RP1: variants seen among roughly 807,000 people sequenced by gnomAD.
RP1 encodes the protein oxygen-regulated protein 1.
In RP1, 16 loss-of-function variants were observed where a neutral mutation model predicts 14.8. The observed-to-expected ratio is 1.08, with a 90% CI of 0.73 to 1.65. RP1 has a LOEUF of 1.65. RP1 is among the 40% of genes most tolerant of loss of function. RP1 has a pLI of 0.00. For missense variants in RP1, 2,631 were observed against 2,535.0 expected (o/e 1.04, Z -0.81); for synonymous variants, 876 against 883.6 (o/e 0.99, Z 0.15).
chr8:54,607,847 C>G (rs60749292), intron 1 of RP1, among the ~76,000 whole-genome samples: 41 of 152,276 alleles, frequency 2.7e-4, no homozygotes, highest in African/African-American at 9.9e-4. Context: ...CTGAGCCATG[C>G]GTGGGATATA....
chr8:54,681,404 G>A (rs189365614), intron 12 of RP1, among the ~76,000 whole-genome samples: 186 of 151,754 alleles, frequency 1.2e-3, no homozygotes, highest in African/African-American at 4.5e-3. Context: ...ACCAGCACAC[G>A]TAGTCAGGTA....
At chr8:54,691,526 C>T (rs146674612) in intron 12 of RP1, among the ~76,000 whole-genome samples, 198 of 152,046 alleles carry the variant, frequency 1.3e-3, no homozygotes, top group African/African-American at 4.6e-3. Flanking sequence ...AGTATATGAA[C>T]CTGATGCTGA....
At chr8:54,607,884 C>A (rs1805495863) in intron 1 of RP1, among the ~76,000 whole-genome samples, 1 of 152,156 alleles carries the variant, frequency 6.6e-6, no homozygotes, top group African/African-American at 2.4e-5. Context: ...TTTGCTAAGA[C>A]CATTGGAAAA....
Position 54,627,528 on chromosome 8 carries a change from A to AAC in RP1, c.3648_3649dup (p.Ile1217ThrfsTer39), listed in dbSNP as rs1251892999. Reference sequence around the variant, plus strand: ...TCTTTCTGCAAATTGTTCCACGGTCAACATTCAGAGTGTTCCTAAGTGCAG... The same window carrying AAC: ...TCTTTCTGCAAATTGTTCCACGGTCAACACATTCAGAGTGTTCCTAAGTGCAG... On this transcript the variant is annotated frameshift_variant, in exon 4 of 4. Coordinates refer to ENST00000220676, the MANE Select transcript of RP1 (RefSeq NM_006269.2). LOFTEE classifies it low-confidence loss of function (END_TRUNC). 6.2e-7 allele frequency: 1 copy of AAC among 1,614,074 alleles called. No individual in the cohort carries two copies. Among genetic ancestry groups the AAC allele is most frequent in the Non-Finnish European group, 8.5e-7 (1 of 1,179,996 alleles).
Position 54,621,563 on chromosome 8 carries a change from C to G in RP1, c.597C>G (p.Tyr199Ter), listed in dbSNP as rs748104371. The change falls in exon 2 of 4, where the codon TAC becomes TAG. Residue 199 changes from tyrosine to a stop codon, truncating the protein, a stop_gained. Coordinates refer to ENST00000220676, the MANE Select transcript of RP1 (RefSeq NM_006269.2). LOFTEE classifies it high-confidence loss of function. ...TGCAGCGCCCTGTGGTCAAGCTGTA[C>G]GCTACGGACGGAAGGAGGGTGAGCG... ...EVMQRPVVKL[Y>*]ATDGRRVPSL... The G allele has an allele frequency of 6.2e-7, 1 of 1,614,134 alleles. No individual in the cohort carries two copies. Among genetic ancestry groups the G allele is most frequent in the Admixed American group, 1.7e-5 (1 of 60,030 alleles).
At chr8:54,623,478 T>C (rs557415444) in intron 3 of RP1, among the ~76,000 whole-genome samples, 3 of 152,226 alleles carry the variant, frequency 2.0e-5, no homozygotes, top group Admixed American at 1.3e-4. Flanking sequence ...GGATTTTTTT[T>C]TTTTCTTTTT....
chr8:54,848,318 C>T (rs1018420728), intron 25 of RP1, among the ~76,000 whole-genome samples: 1 of 152,226 alleles, frequency 6.6e-6, no homozygotes, highest in African/African-American at 2.4e-5. Context: ...GGAGTGCCTC[C>T]TCCTATCCTG....
At chr8:54,836,022 G>T (rs1811648438) in intron 24 of RP1, among the ~76,000 whole-genome samples, 1 of 152,194 alleles carries the variant, frequency 6.6e-6, no homozygotes, top group African/African-American at 2.4e-5. Flanking sequence ...GTGATGAACT[G>T]TGTCTCTGTG....
At chr8:54,582,350 C>T (rs1191044398) in intron 1 of RP1, among the ~76,000 whole-genome samples, 1 of 152,124 alleles carries the variant, frequency 6.6e-6, no homozygotes, top group East Asian at 1.9e-4. Context: ...CTGTTCTGTT[C>T]CATTGGTCTA....
intron 14 of RP1, among the ~76,000 whole-genome samples, chr8:54,704,619 C>A (rs1396515412): frequency 6.6e-6 from 1 of 152,070 alleles, no homozygotes; most frequent in African/African-American, 2.4e-5. Flanking sequence ...TTCTCACAAA[C>A]CTTCAATTTA....
At chr8:54,684,722 G>A (rs1201235152) in intron 12 of RP1, among the ~76,000 whole-genome samples, 2 of 151,816 alleles carry the variant, frequency 1.3e-5, no homozygotes, top group Non-Finnish European at 2.9e-5. Flanking sequence ...TCTAACTAGT[G>A]GCCTATTTTA....
At chr8:54,657,332 G>C (rs778710611) in intron 6 of RP1, among the ~76,000 whole-genome samples, 1 of 152,126 alleles carries the variant, frequency 6.6e-6, no homozygotes, top group Non-Finnish European at 1.5e-5. Flanking sequence ...CTCAAAGAAG[G>C]CACACTCTAC....
intron 12 of RP1, among the ~76,000 whole-genome samples, chr8:54,680,669 A>G (rs1807405095): frequency 6.6e-6 from 1 of 152,114 alleles, no homozygotes; most frequent in Non-Finnish European, 1.5e-5. Flanking sequence ...TATGAAAATA[A>G]ATGTCTGGGC....
intron 22 of RP1, among the ~76,000 whole-genome samples, chr8:54,761,208 A>G (rs1474251687): frequency 7.1e-6 from 1 of 141,510 alleles, no homozygotes; most frequent in Non-Finnish European, 1.5e-5. Context: ...TCACATCGTC[A>G]CCCATCATTT....
chr8:54,665,735 C>G (rs1807001654), intron 7 of RP1, among the ~76,000 whole-genome samples: 1 of 152,152 alleles, frequency 6.6e-6, no homozygotes, highest in African/African-American at 2.4e-5. Context: ...CTTGTTCTAT[C>G]TCTGGAATGA....
intron 1 of RP1, among the ~76,000 whole-genome samples, chr8:54,571,944 CTTAAG>C (rs1450482769): frequency 2.0e-5 from 3 of 152,114 alleles, no homozygotes; most frequent in Non-Finnish European, 1.5e-5. Context: ...ACTTGATCAT[CTTAAG>C]TTAAGTCATC....
chr8:54,674,030 G>A, intron 8 of RP1: 3 of 859,732 alleles, frequency 3.5e-6, no homozygotes, highest in Admixed American at 4.8e-5. Context: ...GGTAGAAAAT[G>A]GATCTCTATG....
chr8:54,800,665 T>C (rs139089342), intron 24 of RP1, among the ~76,000 whole-genome samples: 266 of 152,340 alleles, frequency 1.7e-3, no homozygotes, highest in East Asian at 5.6e-3. Flanking sequence ...TTCATCCTTG[T>C]AACTGTGTTT....
intron 24 of RP1, among the ~76,000 whole-genome samples, chr8:54,812,798 T>TATC (rs1811039618): frequency 2.0e-5 from 3 of 149,850 alleles, no homozygotes; most frequent in Non-Finnish European, 3.0e-5. Flanking sequence ...TCTATCTATC[T>TATC]ATCTATCTAT....
Sources: allele counts gnomAD v4.1 joint callset (sites outside exome capture counted in the v4.1 genomes callset), GRCh38; gene constraint gnomAD v4.1.1; transcripts MANE v1.5; gene names NCBI Gene and HGNC (gene_info 2026-07-23, HGNC 2026-07-21).